Variants in PCLO observed in about 807,000 individuals in gnomAD.
PCLO encodes piccolo presynaptic cytomatrix protein.
Under a neutral mutation model 427.5 loss-of-function variants are expected in PCLO, and 82 were observed. The observed-to-expected ratio is 0.19, with a 90% CI of 0.16 to 0.23. The LOEUF is 0.23. PCLO is among the 10% of genes least tolerant of loss of function. The pLI is 1.00. For missense variants in PCLO, 6,239 were observed against 6,115.9 expected (o/e 1.02, Z -0.67); for synonymous variants, 2,357 against 2,155.4 (o/e 1.09, Z -2.59).
intron 9 of PCLO, among the ~76,000 whole-genome samples, chr7:82,894,732 AG>A (rs1312418038): frequency 1.3e-5 from 2 of 152,014 alleles, no homozygotes; most frequent in African/African-American, 4.8e-5. Flanking sequence ...TCTATCAGAC[AG>A]GGCAGGGTAT....
intron 3 of PCLO, among the ~76,000 whole-genome samples, chr7:83,113,603 T>C (rs1332569295): frequency 2.0e-5 from 3 of 152,170 alleles, no homozygotes; most frequent in African/African-American, 7.2e-5. Flanking sequence ...ACTATATCTG[T>C]AATAACATAT....
chr7:82,997,958 A>G (rs985979420), intron 3 of PCLO, among the ~76,000 whole-genome samples: 4 of 152,022 alleles, frequency 2.6e-5, no homozygotes, highest in African/African-American at 4.8e-5. Context: ...TCATTCTAAC[A>G]ATAACCAAAA....
intron 3 of PCLO, among the ~76,000 whole-genome samples, chr7:83,104,809 A>C (rs1444417341): frequency 1.3e-5 from 2 of 152,126 alleles, no homozygotes; most frequent in Non-Finnish European, 2.9e-5. Flanking sequence ...TATGCCATAG[A>C]TCAAAACAAA....
At chr7:83,008,739 G>T (rs2115974291) in intron 3 of PCLO, among the ~76,000 whole-genome samples, 1 of 151,680 alleles carries the variant, frequency 6.6e-6, no homozygotes, top group South Asian at 2.1e-4. Context: ...TATTAACAAG[G>T]TCAGGAATAT....
intron 6 of PCLO, among the ~76,000 whole-genome samples, chr7:82,946,758 TA>T (rs1351602820): frequency 6.6e-6 from 1 of 152,166 alleles, no homozygotes; most frequent in African/African-American, 2.4e-5. Flanking sequence ...AAGAAATTTC[TA>T]ATATATTTTG....
chr7:82,895,700 A>T (rs1355988474), intron 9 of PCLO, among the ~76,000 whole-genome samples: 1 of 152,000 alleles, frequency 6.6e-6, no homozygotes, highest in Non-Finnish European at 1.5e-5. Flanking sequence ...GACAATAGTT[A>T]TAAAACATAG....
chr7:82,794,465 T>C (rs1355257556), intron 22 of PCLO, among the ~76,000 whole-genome samples: 25 of 71,714 alleles, frequency 3.5e-4, no homozygotes, highest in East Asian at 9.5e-4. Context: ...TTTTCTTTTT[T>C]TTTTTTTTTT....
intron 2 of PCLO, among the ~76,000 whole-genome samples, chr7:83,151,888 A>AAAC (rs1792139558): frequency 1.3e-5 from 2 of 152,214 alleles, no homozygotes; most frequent in Admixed American, 6.5e-5. Flanking sequence ...AATAGAGAAG[A>AAAC]AACACAAAAT....
intron 10 of PCLO, among the ~76,000 whole-genome samples, chr7:82,856,345 T>C (rs1382525960): frequency 6.6e-6 from 1 of 152,214 alleles, no homozygotes; most frequent in East Asian, 1.9e-4. Context: ...CAATTAGCCA[T>C]GATTTGTGGA....
chr7:83,155,752 A>G lies in PCLO; in HGVS notation c.889T>C (p.Ser297Pro). The G allele has an allele frequency of 6.2e-7, 1 of 1,613,818 alleles. No homozygotes were observed. The highest frequency in any genetic ancestry group is 8.5e-7 in the Non-Finnish European group (1 of 1,179,844). The stretch of plus-strand genomic sequence containing the variant: ...GGTGGTTTGGATGGGCTTGGCAGTG[A>G]GGGTTTAACTGATTCTCCCCTTACT... ...DIVRGESVKP[S>P]LPSPSKPPIQ... The change falls in exon 2 of 25, where the codon TCA becomes CCA. Residue 297 changes from serine to proline, a missense_variant. Coordinates refer to ENST00000333891, the MANE Select transcript of PCLO (RefSeq NM_033026.6).
chr7:83,131,826 G>A (rs1235401201), intron 3 of PCLO, among the ~76,000 whole-genome samples: 1 of 152,006 alleles, frequency 6.6e-6, no homozygotes, highest in Non-Finnish European at 1.5e-5. Context: ...CCTAACTCCT[G>A]AGAGAAATGA....
At chr7:83,021,028 G>A (rs375591061) in intron 3 of PCLO, among the ~76,000 whole-genome samples, 1 of 152,086 alleles carries the variant, frequency 6.6e-6, no homozygotes, top group African/African-American at 2.4e-5. Flanking sequence ...GCACACCAAT[G>A]AAACTACTGA....
intron 3 of PCLO, among the ~76,000 whole-genome samples, chr7:83,086,265 C>T (rs1790230391): frequency 6.6e-6 from 1 of 152,038 alleles, no homozygotes; most frequent in African/African-American, 2.4e-5. Flanking sequence ...CACATGCTAC[C>T]ACGCCCAGCT....
intron 3 of PCLO, among the ~76,000 whole-genome samples, chr7:83,065,831 A>G (rs1314340396): frequency 6.6e-6 from 1 of 152,130 alleles, no homozygotes; most frequent in African/African-American, 2.4e-5. Context: ...ATCGTGTCAA[A>G]AACAGTTAGG....
intron 10 of PCLO, among the ~76,000 whole-genome samples, chr7:82,854,230 T>G (rs1487578238): frequency 6.6e-6 from 1 of 152,116 alleles, no homozygotes; most frequent in African/African-American, 2.4e-5. Context: ...TCGGCATTGT[T>G]ACATTGTTAT....
intron 3 of PCLO, among the ~76,000 whole-genome samples, chr7:83,067,214 G>C: frequency 6.6e-6 from 1 of 152,080 alleles, no homozygotes; most frequent in Admixed American, 6.6e-5. Context: ...TTTCAGATAA[G>C]GGATACTCAA....
At position 83,044,477 on chromosome 7, in the gene PCLO, T is replaced by C. The variant is rs923606255; in HGVS notation, c.3301-77990A>G. 6.6e-5 allele frequency among the ~76,000 whole-genome samples: 10 copies of C among 152,334 alleles called. No homozygotes were observed. In the East Asian group the frequency reaches 1.9e-3, roughly 29 times the overall value. ...AATATTAACTGGTTGTTTGAGTGGT[T>C]AAAATTTAACAAGAATTATTAAGTA... On this transcript the variant is annotated intron_variant, in intron 3 of 24. Transcript: ENST00000333891.
intron 3 of PCLO, among the ~76,000 whole-genome samples, chr7:83,081,501 G>T (rs1790099376): frequency 6.6e-6 from 1 of 151,836 alleles, no homozygotes; most frequent in Non-Finnish European, 1.5e-5. Flanking sequence ...ACTTGAAAAT[G>T]AGGAAAAAAT....
intron 3 of PCLO, among the ~76,000 whole-genome samples, chr7:83,045,593 C>A (rs1202743410): frequency 2.6e-5 from 4 of 152,064 alleles, no homozygotes; most frequent in Non-Finnish European, 5.9e-5. Flanking sequence ...TTAGTAAGTT[C>A]TTTAGTTGTA....
Sources: allele counts gnomAD v4.1 joint callset (sites outside exome capture counted in the v4.1 genomes callset), GRCh38; gene constraint gnomAD v4.1.1; transcripts MANE v1.5; gene names NCBI Gene and HGNC (gene_info 2026-07-23, HGNC 2026-07-21).